The following GGH variants were observed in gnomAD, a reference collection of about 807,000 sequenced individuals.
GGH encodes gamma-glutamyl hydrolase.
In GGH, 18 loss-of-function variants were observed where a neutral mutation model predicts 39.2. The ratio of observed to expected loss-of-function variants is 0.46; its 90% CI spans 0.32 to 0.68. The LOEUF is 0.68. Ranked by LOEUF, GGH falls within the 30% of genes least tolerant of loss-of-function variation. The pLI, the probability that GGH is intolerant of heterozygous loss-of-function variation, is 0.04. For missense variants in GGH, 367 were observed against 384.1 expected (o/e 0.96, Z 0.37); for synonymous variants, 147 against 138.8 (o/e 1.06, Z -0.42).
chr8:63,034,101 C>T (rs1247616264), intron 2 of GGH, among the ~76,000 whole-genome samples: 2 of 149,974 alleles, frequency 1.3e-5, no homozygotes, highest in Non-Finnish European at 3.0e-5. Context: ...AGAAGAACAG[C>T]TTGCATTAAA....
At chr8:63,029,647 G>A (rs1436539456) in intron 3 of GGH, among the ~76,000 whole-genome samples, 1 of 152,068 alleles carries the variant, frequency 6.6e-6, no homozygotes, top group African/African-American at 2.4e-5. Context: ...AATAAAGTAT[G>A]AGCACACTTG....
At chr8:63,020,238 C>T in intron 7 of GGH, among the ~76,000 whole-genome samples, 1 of 152,080 alleles carries the variant, frequency 6.6e-6, no homozygotes, top group Non-Finnish European at 1.5e-5. Flanking sequence ...AGAAAATATG[C>T]AAATAATAAA....
intron 2 of GGH, among the ~76,000 whole-genome samples, chr8:63,031,026 C>T (rs189017823): frequency 2.6e-5 from 4 of 152,332 alleles, no homozygotes; most frequent in African/African-American, 9.6e-5. Context: ...CAAGAACTCT[C>T]CCACATTTAG....
intron 2 of GGH, 27 bp downstream of exon 2, chr8:63,035,629 A>C (rs1308457719): frequency 5.1e-6 from 6 of 1,178,052 alleles, no homozygotes; most frequent in Non-Finnish European, 6.9e-6. Flanking sequence ...TACAGAGTAA[A>C]AAAAAAAAAA....
At chr8:63,030,788 A>G (rs1434375114) in intron 2 of GGH, among the ~76,000 whole-genome samples, 6 of 152,084 alleles carry the variant, frequency 3.9e-5, no homozygotes, top group Admixed American at 3.9e-4. Flanking sequence ...AGAACAGCCT[A>G]ACTGCCCAGG....
rs1198926103 is a variant in GGH at position 63,017,601 on chromosome 8, A to C, written c.727T>G (p.Trp243Gly). The C allele has an allele frequency of 6.2e-7, 1 of 1,601,366 alleles. No individual in the cohort carries two copies. The highest frequency in any genetic ancestry group is 8.6e-7 in the Non-Finnish European group (1 of 1,168,410). Residue 243 changes from tryptophan (W) to glycine (G), a missense_variant, in exon 8 of 9, where the codon TGG (tryptophan) becomes GGG (glycine). Trp to Gly is a radical substitution (Grantham distance 184, BLOSUM62 -2). Transcript: ENST00000260118. ...GYKYPVYGVQWHPEKAPYEWK... is the reference protein window; with the variant it reads ...GYKYPVYGVQGHPEKAPYEWK... ...TCATAAGGTGCTTTCTCTGGATGCCACTGGACACCATATACTGGATACTTA... is the reference window on the plus strand; with the variant it reads ...TCATAAGGTGCTTTCTCTGGATGCCCCTGGACACCATATACTGGATACTTA...
At chr8:63,026,334 A>G in intron 4 of GGH, 38 bp from the exon 5 acceptor site, 1 of 1,533,718 alleles carries the variant, frequency 6.5e-7, no homozygotes, top group Non-Finnish European at 8.9e-7. Flanking sequence ...AGTTTATTCA[A>G]ACTTTTCAAA....
chr8:63,016,319 C>CT lies in GGH; in HGVS notation c.836-867dup, dbSNP rs1274965342. On this transcript the variant is annotated intron_variant, in intron 8 of 8. Transcript: ENST00000260118. The stretch of plus-strand genomic sequence containing the variant: ...TTGGACTAATACTGTATATGGGATA[C>CT]TTTTTTTTTTTAATTTGGAGTTTTT... Among the ~76,000 whole-genome samples the CT allele has an allele frequency of 5.8e-3, 862 of 148,044 alleles. 10 individuals carry two copies. Among genetic ancestry groups the CT allele is most frequent in the African/African-American group, 0.02 (800 of 40,460 alleles).
chr8:63,038,572 C>T lies in GGH; in HGVS notation c.109+88G>A. On this transcript the variant is annotated intron_variant, in intron 1 of 8. Transcript: ENST00000260118. ...CATCTGGGGGTTTTTCCCGGCGGGA[C>T]GCGCCAGCTGGAGCGCGGCGGCGGG... The T allele has an allele frequency of 6.1e-6, 4 of 655,650 alleles. No individual in the cohort carries two copies. In the South Asian group the frequency reaches 1.2e-4, roughly 19 times the overall value. 40.6% of individuals were successfully genotyped at this position (655,650 alleles called of 1,614,324 possible). A position where few individuals can be genotyped will look rare whatever the true frequency, so the allele number is the denominator to read the frequency against.
At chr8:63,027,904 A>ATT (rs1804727076) in intron 3 of GGH, among the ~76,000 whole-genome samples, 1 of 152,202 alleles carries the variant, frequency 6.6e-6, no homozygotes, top group South Asian at 2.1e-4. Context: ...AAGGTGAAAT[A>ATT]TAGAAAAATA....
chr8:63,035,800 CA>C, intron 1 of GGH, 30 bp from the exon 2 acceptor site: 2 of 1,558,976 alleles, frequency 1.3e-6, no homozygotes, highest in East Asian at 4.5e-5. Flanking sequence ...TAGTTTCAAG[CA>C]AATTCCTTTT....
Position 63,022,062 on chromosome 8 carries a change from T to C in GGH, c.697+1845A>G, listed in dbSNP as rs569570370. Among the ~76,000 whole-genome samples the C allele has an allele frequency of 5.3e-5, 8 of 152,330 alleles. No individual in the cohort carries two copies. The East Asian group carries it at 1.3e-3, about 26-fold the overall frequency. On this transcript the variant is annotated intron_variant, in intron 7 of 8. Transcript: ENST00000260118. ...AGACACATATCCTTTGTCAGTTATATGCATTACAAATACCTCCCTTTTTTC... is the reference window on the plus strand; with the variant it reads ...AGACACATATCCTTTGTCAGTTATACGCATTACAAATACCTCCCTTTTTTC...
Position 63,038,656 on chromosome 8 carries a change from T to C in GGH, c.109+4A>G, listed in dbSNP as rs1314624884. 2 of 1,439,240 alleles carry C rather than the reference T, an allele frequency of 1.4e-6. No individual in the cohort carries two copies. Among genetic ancestry groups the C allele is most frequent in the Non-Finnish European group, 1.9e-6 (2 of 1,068,846 alleles). The allele number at this position is 1,439,240 out of a possible 1,614,324, so 89.2% of individuals were successfully genotyped here. On this transcript the variant is annotated splice_donor_region_variant and intron_variant, in intron 1 of 8. Coordinates refer to ENST00000260118, the MANE Select transcript of GGH (RefSeq NM_003878.3). ...TCTGCTGCGGCCCCGCACAGCCTCC[T>C]TACCGATGATGGGCTTCTTGGCGGT... is the stretch of plus-strand genomic sequence containing the variant.
At chr8:63,019,350 G>A (rs1804544909) in intron 7 of GGH, among the ~76,000 whole-genome samples, 1 of 152,158 alleles carries the variant, frequency 6.6e-6, no homozygotes, top group South Asian at 2.1e-4. Flanking sequence ...AATTAAAGTT[G>A]AGCAAACTTT....
chr8:63,037,293 A>C (rs940744597), intron 1 of GGH, among the ~76,000 whole-genome samples: 7 of 152,162 alleles, frequency 4.6e-5, no homozygotes, highest in African/African-American at 1.4e-4. Flanking sequence ...GTGTCATAGG[A>C]AATGGAGTGG....
intron 8 of GGH, among the ~76,000 whole-genome samples, 193 bp from the exon 9 acceptor site, chr8:63,015,646 A>C (rs1804474138): frequency 6.6e-6 from 1 of 151,842 alleles, no homozygotes; most frequent in South Asian, 2.1e-4. Flanking sequence ...CTTTCCAAAA[A>C]AAAAAAAAGA....
At chr8:63,016,778 C>T (rs1011094599) in intron 8 of GGH, among the ~76,000 whole-genome samples, 4 of 152,134 alleles carry the variant, frequency 2.6e-5, no homozygotes, top group Admixed American at 2.0e-4. Context: ...ACCAAATTCT[C>T]GATTTTTCCC....
intron 5 of GGH, chr8:63,024,495 T>G (rs777121582): frequency 6.3e-5 from 14 of 221,254 alleles, no homozygotes; most frequent in Admixed American, 4.1e-4. Flanking sequence ...TTCCACAGAC[T>G]ATTCTGAAAA....
At chr8:63,019,014 A>G (rs1804539011) in intron 7 of GGH, among the ~76,000 whole-genome samples, 1 of 152,222 alleles carries the variant, frequency 6.6e-6, no homozygotes, top group Non-Finnish European at 1.5e-5. Flanking sequence ...TGTAACAGCA[A>G]TATGAATTTT....
Sources: gnomAD v4.1 joint callset for allele counts (sites outside exome capture counted in the v4.1 genomes callset) on GRCh38, gnomAD v4.1.1 for gene constraint, MANE v1.5 for transcripts, NCBI Gene and HGNC (gene_info 2026-07-23, HGNC 2026-07-21) for gene names.